CHD9: variants seen among roughly 807,000 people sequenced by gnomAD.
CHD9 encodes the protein ATP-dependent chromatin remodeler CHD9.
Under a neutral mutation model 316.1 loss-of-function variants are expected in CHD9, and 77 were observed. That is an observed-to-expected ratio of 0.24 (90% CI 0.20 to 0.29). The LOEUF (loss-of-function observed/expected upper bound fraction) is 0.29, where lower values mean the gene tolerates loss of function less well. Ranked by LOEUF, CHD9 falls within the 10% of genes least tolerant of loss-of-function variation. The probability of loss-of-function intolerance (pLI) is 1.00; values close to 1 mark genes in which losing one functional copy is unlikely to be tolerated. For synonymous variants in CHD9, 1,129 were observed against 1,158.3 expected (o/e 0.97, Z 0.51); for missense variants, 2,763 against 3,438.1 (o/e 0.80, Z 4.91).
At chr16:53,114,935 T>C (rs954308778) in intron 1 of CHD9, among the ~76,000 whole-genome samples, 2 of 152,078 alleles carry the variant, frequency 1.3e-5, no homozygotes, top group Non-Finnish European at 2.9e-5. Flanking sequence ...GATTGATTGA[T>C]TGATTGATTG....
chr16:53,307,672 CT>C lies in CHD9; in HGVS notation c.6781-5del. On this transcript the variant is annotated splice_polypyrimidine_tract_variant and splice_region_variant and intron_variant, in intron 32 of 38. Coordinates refer to ENST00000447540, the MANE Select transcript of CHD9 (RefSeq NM_001308319.2). ...TAAAATTACACTTTGATGTTGCACG[CT>C]TTTCTAGGATCGTGTGATGATCAAT... The C allele has an allele frequency of 6.3e-7, 1 of 1,591,676 alleles. No homozygotes were observed. Among genetic ancestry groups the C allele is most frequent in the Non-Finnish European group, 8.6e-7 (1 of 1,168,016 alleles).
rs554766444 is a variant in CHD9 at position 53,157,271 on chromosome 16, G to A, written c.1182G>A (p.Val394=). ...SSLEENLLHQ[V]ESQTEPFTGL... is the part of the protein sequence containing the mutation. Reference sequence around the variant, plus strand: ...TAGAAGAGAATTTACTTCATCAAGTGGAATCTCAAACTGAGCCATTCACAG... The same window carrying A: ...TAGAAGAGAATTTACTTCATCAAGTAGAATCTCAAACTGAGCCATTCACAG... Residue 394 remains valine (V), a synonymous_variant, in exon 2 of 39, where the codon GTG becomes GTA. Coordinates refer to ENST00000447540, the MANE Select transcript of CHD9 (RefSeq NM_001308319.2). The A allele has an allele frequency of 2.7e-5, 43 of 1,606,816 alleles. No homozygotes were observed. The highest frequency in any genetic ancestry group is 1.0e-4 in the Admixed American group (6 of 58,540).
intron 27 of CHD9, among the ~76,000 whole-genome samples, chr16:53,290,011 T>C (rs567032426): frequency 6.6e-6 from 1 of 152,250 alleles, no homozygotes; most frequent in East Asian, 1.9e-4. Context: ...CAGTGGCTCA[T>C]GCCTGTAATC....
At chr16:53,076,272 A>T (rs574995550) in intron 1 of CHD9, among the ~76,000 whole-genome samples, 125 of 151,954 alleles carry the variant, frequency 8.2e-4, no homozygotes, top group African/African-American at 2.0e-3. Flanking sequence ...TCCAATTTTT[A>T]AAAAAAAATT....
chr16:53,290,370 A>G (rs2054230133), intron 27 of CHD9, among the ~76,000 whole-genome samples: 1 of 152,014 alleles, frequency 6.6e-6, no homozygotes, highest in African/African-American at 2.4e-5. Context: ...AGGACGTAAA[A>G]CCCTTTTCCT....
chr16:53,322,406 G>C (rs947236852), intron 38 of CHD9, among the ~76,000 whole-genome samples: 1 of 151,126 alleles, frequency 6.6e-6, no homozygotes, highest in Non-Finnish European at 1.5e-5. Context: ...TCAGGAGTTC[G>C]AGACCAGCCG....
intron 2 of CHD9, among the ~76,000 whole-genome samples, chr16:53,195,353 A>G (rs2044814416): frequency 6.6e-6 from 1 of 152,220 alleles, no homozygotes; most frequent in Admixed American, 6.5e-5. Context: ...ATCATTGGGT[A>G]TACGAATATA....
chr16:53,301,730 A>G (rs912149080), intron 30 of CHD9, among the ~76,000 whole-genome samples: 1 of 149,072 alleles, frequency 6.7e-6, no homozygotes, highest in Non-Finnish European at 1.5e-5. Flanking sequence ...AGGAGTTTCC[A>G]TCTATCTCTC....
chr16:53,253,088 T>TA (rs2050261572), intron 17 of CHD9, among the ~76,000 whole-genome samples: 1 of 152,116 alleles, frequency 6.6e-6, no homozygotes, highest in South Asian at 2.1e-4. Flanking sequence ...TCGAAAAAGA[T>TA]ACTTGGACAC....
intron 1 of CHD9, among the ~76,000 whole-genome samples, chr16:53,063,207 C>T (rs1260704931): frequency 1.3e-5 from 2 of 152,012 alleles, no homozygotes; most frequent in Non-Finnish European, 2.9e-5. Context: ...ACTCTTTGCC[C>T]CATGTTACTA....
intron 1 of CHD9, among the ~76,000 whole-genome samples, chr16:53,154,577 T>C (rs1263265811): frequency 5.3e-5 from 8 of 152,088 alleles, no homozygotes; most frequent in Admixed American, 5.2e-4. Context: ...TGGAGGGAGA[T>C]GATTTCAGGA....
intron 30 of CHD9, among the ~76,000 whole-genome samples, chr16:53,297,636 C>G (rs2054923122): frequency 6.6e-6 from 1 of 152,194 alleles, no homozygotes; most frequent in Non-Finnish European, 1.5e-5. Flanking sequence ...TGCAACTCAA[C>G]TAAGGAATTG....
intron 2 of CHD9, among the ~76,000 whole-genome samples, chr16:53,165,580 C>A (rs1370718494): frequency 6.6e-6 from 1 of 151,998 alleles, no homozygotes; most frequent in Non-Finnish European, 1.5e-5. Flanking sequence ...ATTCTTAATA[C>A]CTCCAGGAAT....
chr16:53,097,088 A>C (rs976026340), intron 1 of CHD9, among the ~76,000 whole-genome samples: 1 of 152,108 alleles, frequency 6.6e-6, no homozygotes, highest in Admixed American at 6.6e-5. Context: ...GAGGAGACAA[A>C]TATTCAACCC....
Position 53,268,050 on chromosome 16 carries a change from G to C in CHD9, c.4641G>C (p.Glu1547Asp). The C allele has an allele frequency of 6.2e-7, 1 of 1,613,436 alleles. No homozygotes were observed. Among genetic ancestry groups the C allele is most frequent in the Non-Finnish European group, 8.5e-7 (1 of 1,179,664 alleles). Reference sequence around the variant, plus strand: ...GCCTTGTTCACTACCGAGGAGATGAGAAGATTAAAGGTTTCATATGGGATC... The same window carrying C: ...GCCTTGTTCACTACCGAGGAGATGACAAGATTAAAGGTTTCATATGGGATC... ...AYCLVHYRGD[E>D]KIKGFIWDLI... is the part of the protein sequence containing the mutation. The change falls in exon 22 of 39, where the codon GAG (glutamate) becomes GAC (aspartate). Residue 1547 changes from glutamate (E) to aspartate (D), a missense_variant. By Grantham distance (45) the Glu-to-Asp change is conservative. Transcript: ENST00000447540.
chr16:53,228,585 G>A (rs1450569165), intron 7 of CHD9, among the ~76,000 whole-genome samples: 1 of 132,674 alleles, frequency 7.5e-6, no homozygotes, highest in Admixed American at 8.6e-5. Flanking sequence ...CTGTCGCCCA[G>A]GCCGGACTGC....
chr16:53,202,525 CCTA>C (rs2045551828), intron 2 of CHD9, among the ~76,000 whole-genome samples: 1 of 151,734 alleles, frequency 6.6e-6, no homozygotes, highest in Non-Finnish European at 1.5e-5. Context: ...TATGGAGTTT[CCTA>C]CACTCTGGAT....
chr16:53,324,876 A>T lies in CHD9; in HGVS notation c.8675A>T (p.Asp2892Val). The change falls in exon 39 of 39, where the codon GAT (aspartate) becomes GTT (valine). Residue 2892 changes from aspartate (D) to valine (V), a missense_variant. Asp to Val is a radical substitution (Grantham distance 152). Transcript: ENST00000447540. ...ACATCGTCGTCATCTGAGGATTCAGATTCTAGTAATGAAGACTGATTCCCA... is the reference window on the plus strand; with the variant it reads ...ACATCGTCGTCATCTGAGGATTCAGTTTCTAGTAATGAAGACTGATTCCCA... ...DSTSSSSEDS[D>V]SSNED 1 of 1,595,730 alleles carries T rather than the reference A, an allele frequency of 6.3e-7. No homozygotes were observed. The highest frequency in any genetic ancestry group is 8.5e-7 in the Non-Finnish European group (1 of 1,172,910).
intron 3 of CHD9, among the ~76,000 whole-genome samples, chr16:53,215,319 A>G (rs2046667503): frequency 6.6e-6 from 1 of 152,232 alleles, no homozygotes; most frequent in Non-Finnish European, 1.5e-5. Context: ...CATTAAATAC[A>G]TCAGTAAATT....
Sources: gnomAD v4.1 joint callset for allele counts (sites outside exome capture counted in the v4.1 genomes callset) on GRCh38, gnomAD v4.1.1 for gene constraint, MANE v1.5 for transcripts, NCBI Gene and HGNC (gene_info 2026-07-23, HGNC 2026-07-21) for gene names.